RUNDC3B: variants seen among roughly 807,000 people sequenced by gnomAD.
RUNDC3B encodes the protein RUN domain-containing protein 3B.
In RUNDC3B, 33 loss-of-function variants were observed where a neutral mutation model predicts 58.4. The ratio of observed to expected loss-of-function variants is 0.56; its 90% confidence interval spans 0.43 to 0.75. The LOEUF (loss-of-function observed/expected upper bound fraction) is 0.75. Among genes scored for constraint, RUNDC3B ranks in the 30% least tolerant of loss-of-function variants. The pLI is 0.00. For missense variants in RUNDC3B, 501 were observed against 535.7 expected (o/e 0.94, Z 0.64); for synonymous variants, 193 against 195.2 (o/e 0.99, Z 0.10).
At chr7:87,788,703 C>CTTTTTTTTT (rs5885597) in intron 8 of RUNDC3B, among the ~76,000 whole-genome samples, 9 of 128,294 alleles carry the variant, frequency 7.0e-5, no homozygotes, top group African/African-American at 1.1e-4. Flanking sequence ...CTTTTCAAAA[C>CTTTTTTTTT]TTTTTTTTTT....
intron 1 of RUNDC3B, among the ~76,000 whole-genome samples, chr7:87,633,402 C>G (rs1384041646): frequency 6.6e-6 from 1 of 152,146 alleles, no homozygotes; most frequent in Non-Finnish European, 1.5e-5. Context: ...TCTGAATCTG[C>G]CTCTATGAAT....
intron 8 of RUNDC3B, among the ~76,000 whole-genome samples, chr7:87,779,551 CTCTTCTGT>C (rs1652085904): frequency 6.6e-6 from 1 of 152,042 alleles, no homozygotes; most frequent in Admixed American, 6.6e-5. Context: ...AGGTGTTTTT[CTCTTCTGT>C]ATAGTTACTG....
At chr7:87,804,729 TAGC>T (rs1464118100) in intron 8 of RUNDC3B, among the ~76,000 whole-genome samples, 1 of 152,202 alleles carries the variant, frequency 6.6e-6, no homozygotes, top group Non-Finnish European at 1.5e-5. Flanking sequence ...AGTTTTTAGA[TAGC>T]AGACTAATTT....
At chr7:87,664,953 C>T (rs1467332742) in intron 2 of RUNDC3B, among the ~76,000 whole-genome samples, 2 of 152,000 alleles carry the variant, frequency 1.3e-5, no homozygotes, top group African/African-American at 2.4e-5. Context: ...TAATGTACCT[C>T]AACATAATAA....
intron 2 of RUNDC3B, among the ~76,000 whole-genome samples, chr7:87,652,621 G>GAGATATATAT (rs374832268): frequency 4.8e-5 from 6 of 125,396 alleles, no homozygotes; most frequent in African/African-American, 1.7e-4. Context: ...TGTGGTCACT[G>GAGATATATAT]ATATATATAT....
At chr7:87,660,732 T>C (rs757971916) in intron 2 of RUNDC3B, among the ~76,000 whole-genome samples, 8 of 152,028 alleles carry the variant, frequency 5.3e-5, no homozygotes, top group Non-Finnish European at 1.2e-4. Flanking sequence ...CAACTACTGC[T>C]TTGGCTAAAT....
intron 8 of RUNDC3B, among the ~76,000 whole-genome samples, chr7:87,796,798 G>A (rs1472836383): frequency 2.0e-5 from 3 of 152,148 alleles, no homozygotes; most frequent in African/African-American, 7.2e-5. Context: ...GCAAGAGGGA[G>A]TCCTGCAAGG....
At chr7:87,820,853 A>C (rs1441018786) in intron 10 of RUNDC3B, among the ~76,000 whole-genome samples, 2 of 151,968 alleles carry the variant, frequency 1.3e-5, no homozygotes, top group Admixed American at 1.3e-4. Context: ...TCATGCTAAA[A>C]ACTCTCAATA....
chr7:87,690,512 G>A (rs1177179087), intron 2 of RUNDC3B, among the ~76,000 whole-genome samples: 1 of 152,042 alleles, frequency 6.6e-6, no homozygotes, highest in Non-Finnish European at 1.5e-5. Flanking sequence ...TTTTAAAGCA[G>A]TATTTTTAAA....
chr7:87,687,291 G>A (rs1321254552), intron 2 of RUNDC3B, among the ~76,000 whole-genome samples: 1 of 152,064 alleles, frequency 6.6e-6, no homozygotes, highest in Admixed American at 6.6e-5. Context: ...GCTGTTTACT[G>A]TGTAAGGAGC....
chr7:87,685,580 C>T (rs1827377966), intron 2 of RUNDC3B, among the ~76,000 whole-genome samples: 1 of 152,096 alleles, frequency 6.6e-6, no homozygotes, highest in Non-Finnish European at 1.5e-5. Context: ...AGAAGCAAAA[C>T]CCTAAAGATT....
intron 2 of RUNDC3B, among the ~76,000 whole-genome samples, chr7:87,655,995 G>A (rs140876508): frequency 1.1e-3 from 164 of 152,210 alleles, no homozygotes; most frequent in African/African-American, 3.9e-3. Context: ...CACCTTGGAA[G>A]CAGAGACAGG....
At chr7:87,634,904 G>A (rs1480721270) in intron 1 of RUNDC3B, among the ~76,000 whole-genome samples, 1 of 152,138 alleles carries the variant, frequency 6.6e-6, no homozygotes, top group Non-Finnish European at 1.5e-5. Context: ...TGCGCACAAT[G>A]GAGGTAGGAT....
Position 87,829,931 on chromosome 7 carries a change from G to T in RUNDC3B, c.1272G>T (p.Thr424=). Residue 424 remains threonine (T), a synonymous_variant, in exon 11 of 11, where the codon ACG becomes ACT. Coordinates refer to ENST00000394654, the MANE Select transcript of RUNDC3B (RefSeq NM_001134405.2). ...TACTTGGCCTCTGTGGATCTCTAAC[G>T]TCAGTGGCAAGTTACAAGTCTCTAA... ...PSLLGLCGSL[T]SVASYKSLTS... The T allele has an allele frequency of 6.2e-7, 1 of 1,608,190 alleles. No individual in the cohort carries two copies. Among genetic ancestry groups the T allele is most frequent in the East Asian group, 2.2e-5 (1 of 44,666 alleles).
intron 4 of RUNDC3B, among the ~76,000 whole-genome samples, chr7:87,736,154 A>G (rs908940405): frequency 1.9e-4 from 29 of 152,164 alleles, no homozygotes; most frequent in Non-Finnish European, 3.8e-4. Context: ...AGTTTCTTAC[A>G]TTAAATTGGG....
chr7:87,755,658 T>A (rs1833325815), intron 6 of RUNDC3B, among the ~76,000 whole-genome samples: 1 of 152,180 alleles, frequency 6.6e-6, no homozygotes, highest in Non-Finnish European at 1.5e-5. Context: ...AAGCTTTTGA[T>A]AAAATTCAAC....
At chr7:87,666,096 A>G (rs1825212370) in intron 2 of RUNDC3B, among the ~76,000 whole-genome samples, 1 of 152,068 alleles carries the variant, frequency 6.6e-6, no homozygotes, top group African/African-American at 2.4e-5. Flanking sequence ...CCTAATTTAC[A>G]TTTCTAACAG....
At chr7:87,785,671 G>T (rs529224214) in intron 8 of RUNDC3B, among the ~76,000 whole-genome samples, 8 of 152,188 alleles carry the variant, frequency 5.3e-5, no homozygotes, top group Non-Finnish European at 7.3e-5. Context: ...CCAATCCCAT[G>T]AGAAAGGGAG....
chr7:87,782,643 C>T (rs1215167462), intron 8 of RUNDC3B, among the ~76,000 whole-genome samples: 2 of 151,996 alleles, frequency 1.3e-5, no homozygotes, highest in African/African-American at 2.4e-5. Context: ...TGCTGCATCC[C>T]AGAGATTTTG....
Sources: gnomAD v4.1 joint callset for allele counts (sites outside exome capture counted in the v4.1 genomes callset) on GRCh38, gnomAD v4.1.1 for gene constraint, MANE v1.5 for transcripts, NCBI Gene and HGNC (gene_info 2026-07-23, HGNC 2026-07-21) for gene names.